The following NCAPG variants were observed in gnomAD, a reference collection of about 807,000 sequenced individuals.
The protein encoded by NCAPG is non-SMC condensin I complex subunit G.
NCAPG carries 69 observed loss-of-function variants against 113.1 expected under a neutral mutation model. The observed-to-expected ratio is 0.61, with a 90% confidence interval of 0.50 to 0.75. NCAPG has a LOEUF of 0.75. Ranked by LOEUF, NCAPG falls within the 30% of genes least tolerant of loss-of-function variation. The pLI is 0.00. For missense variants in NCAPG, 1,058 were observed against 1,177.0 expected (o/e 0.90, Z 1.48); for synonymous variants, 370 against 415.8 (o/e 0.89, Z 1.34).
At chr4:17,833,469 A>AT (rs1376571489) in intron 13 of NCAPG, among the ~76,000 whole-genome samples, 5,694 of 148,824 alleles carry the variant, frequency 0.038, 137 homozygotes, top group African/African-American at 0.066. Context: ...AAAAAAAAAA[A>AT]ATATATATAT....
In NCAPG at chr4:17,822,901, C is replaced by T. The variant is rs533951081; in HGVS notation, c.1119-82C>T. 4 of 1,147,480 alleles carry T rather than the reference C, an allele frequency of 3.5e-6. No individual in the cohort carries two copies. In the South Asian group the frequency reaches 6.9e-5, roughly 20 times the overall value. The allele number at this position is 1,147,480 out of a possible 1,614,324, so 71.1% of individuals were successfully genotyped here. A position where few individuals can be genotyped will look rare whatever the true frequency, so the allele number is the denominator to read the frequency against. On this transcript the variant is annotated intron_variant, in intron 7 of 20. Transcript: ENST00000251496. Reference sequence around the variant, plus strand: ...TAGACGAATATGACCTGAAAATGGCCCTTTTCTGACCTAATGGTGGGAATC... The same window carrying T: ...TAGACGAATATGACCTGAAAATGGCTCTTTTCTGACCTAATGGTGGGAATC...
chr4:17,815,227 A>T lies in NCAPG; in HGVS notation c.691-47A>T, dbSNP rs116257556. ...AGATGGTGATATTCTTATGAAATCT[A>T]TAAATTGTGTTGAGGTTAATGACCA... On this transcript the variant is annotated intron_variant, in intron 4 of 20. Coordinates refer to ENST00000251496, the MANE Select transcript of NCAPG (RefSeq NM_022346.5). 659 of 1,486,474 alleles carry T rather than the reference A, an allele frequency of 4.4e-4. 1 individual carries two copies. In the African/African-American group the frequency reaches 5.8e-3, roughly 13 times the overall value. 92.1% of individuals were successfully genotyped at this position (1,486,474 alleles called of 1,614,324 possible).
At chr4:17,838,932 T>C (rs1015235458) in intron 16 of NCAPG, among the ~76,000 whole-genome samples, 1 of 152,162 alleles carries the variant, frequency 6.6e-6, no homozygotes, top group African/African-American at 2.4e-5. Context: ...AAAATCTGTA[T>C]AATTCGCTTG....
chr4:17,838,856 C>T (rs1018833130), intron 16 of NCAPG, among the ~76,000 whole-genome samples: 3 of 151,846 alleles, frequency 2.0e-5, no homozygotes, highest in African/African-American at 7.3e-5. Flanking sequence ...ATTTGGTGGT[C>T]AGTGGTGGTT....
chr4:17,820,238 C>T (rs1721398178), intron 7 of NCAPG, among the ~76,000 whole-genome samples: 1 of 152,126 alleles, frequency 6.6e-6, no homozygotes, highest in Non-Finnish European at 1.5e-5. Flanking sequence ...ATTAACATTT[C>T]CTTTGTCACT....
intron 13 of NCAPG, 92 bp from the exon 14 acceptor site, chr4:17,834,207 A>C (rs1343229892): frequency 4.9e-6 from 4 of 817,900 alleles, no homozygotes; most frequent in African/African-American, 1.8e-5. Context: ...AATTTGACTA[A>C]GAAAAAAACA....
intron 7 of NCAPG, among the ~76,000 whole-genome samples, chr4:17,818,662 C>T (rs978030926): frequency 7.9e-5 from 12 of 152,146 alleles, no homozygotes; most frequent in Non-Finnish European, 1.2e-4. Context: ...ATTTGATGCA[C>T]GGAACATTGT....
At chr4:17,831,881 G>A (rs993579997) in intron 13 of NCAPG, among the ~76,000 whole-genome samples, 2 of 152,208 alleles carry the variant, frequency 1.3e-5, no homozygotes, top group Non-Finnish European at 2.9e-5. Context: ...GTAGAAGATT[G>A]TTATGATCTG....
At chr4:17,832,235 G>A (rs1468764056) in intron 13 of NCAPG, among the ~76,000 whole-genome samples, 1 of 152,154 alleles carries the variant, frequency 6.6e-6, no homozygotes, top group Non-Finnish European at 1.5e-5. Context: ...ATTAAGTAGG[G>A]GTACAAGTAT....
intron 13 of NCAPG, among the ~76,000 whole-genome samples, chr4:17,833,574 T>A (rs1469956804): frequency 2.0e-5 from 3 of 151,454 alleles, no homozygotes. Flanking sequence ...TTTACTTTTT[T>A]AATATCTTAA....
At position 17,811,629 on chromosome 4, in the gene NCAPG, C is replaced by T. The variant is rs149102774; in HGVS notation, c.111+441C>T. 2.6e-5 allele frequency among the ~76,000 whole-genome samples: 4 copies of T among 152,314 alleles called. No homozygotes were observed. The highest frequency in any genetic ancestry group is 9.6e-5 in the African/African-American group (4 of 41,576). On this transcript the variant is annotated intron_variant, in intron 1 of 20. Coordinates refer to ENST00000251496, the MANE Select transcript of NCAPG (RefSeq NM_022346.5). This position sits in a 1 kb window ranked among gnomAD's most constrained non-coding sequence, Gnocchi z 5.3. ...GAACATCAAATGATTCTACCCTTGT[C>T]CTACGGTTACGTTGAATCCAATCAC... is the stretch of plus-strand genomic sequence containing the variant.
chr4:17,837,933 A>G, intron 16 of NCAPG, 132 bp downstream of exon 16: 1 of 892,552 alleles, frequency 1.1e-6, no homozygotes, highest in Non-Finnish European at 1.8e-6. Context: ...ACAAAGCACG[A>G]AAGAAACATG....
chr4:17,831,393 A>G (rs1361900355), intron 13 of NCAPG, among the ~76,000 whole-genome samples: 4 of 152,222 alleles, frequency 2.6e-5, no homozygotes, highest in Non-Finnish European at 4.4e-5. Context: ...GACTTAGAAG[A>G]AATAAAGTAG....
intron 16 of NCAPG, 113 bp downstream of exon 16, chr4:17,837,914 G>A (rs1215847474): frequency 9.1e-7 from 1 of 1,101,484 alleles, no homozygotes; most frequent in African/African-American, 1.6e-5. Context: ...TCTGTCTCAA[G>A]CATATACCAC....
chr4:17,825,572 C>CT lies in NCAPG; in HGVS notation c.1653+17dup. On this transcript the variant is annotated intron_variant, in intron 11 of 20. Transcript: ENST00000251496. ...GTCCACATAGAGAAGGTACAGGTAA[C>CT]TTTTTTCATACTAAATCTCAGGTGT... 6.4e-7 allele frequency: 1 copy of CT among 1,571,812 alleles called. No homozygotes were observed. Among genetic ancestry groups the CT allele is most frequent in the Non-Finnish European group, 8.6e-7 (1 of 1,167,172 alleles).
Position 17,817,998 on chromosome 4 carries a change from G to A in NCAPG, c.1028G>A (p.Cys343Tyr). The change falls in exon 7 of 21, where the codon TGT becomes TAT. Residue 343 changes from cysteine (C) to tyrosine (Y), a missense_variant. Cys to Tyr is a radical substitution (Grantham distance 194, BLOSUM62 -2). Transcript: ENST00000251496. Reference sequence around the variant, plus strand: ...ATTGCTTTGTATTGGTGTGCCCTTTGTGAATATTTGAAATCAAAAGGAGAT... The same window carrying A: ...ATTGCTTTGTATTGGTGTGCCCTTTATGAATATTTGAAATCAAAAGGAGAT... Reference protein sequence around the residue: ...PEIALYWCALCEYLKSKGDEG... With the variant: ...PEIALYWCALYEYLKSKGDEG... 1 of 1,613,524 alleles carries A rather than the reference G, an allele frequency of 6.2e-7. No homozygotes were observed. The highest frequency in any genetic ancestry group is 8.5e-7 in the Non-Finnish European group (1 of 1,179,734).
At chr4:17,828,950 A>G (rs7685509) in intron 12 of NCAPG, among the ~76,000 whole-genome samples, 7,857 of 150,492 alleles carry the variant, frequency 0.052, 703 homozygotes, top group African/African-American at 0.18. Context: ...ACTGTTTTAA[A>G]AAAAAAAAAG....
At chr4:17,820,175 C>T (rs1252404915) in intron 7 of NCAPG, among the ~76,000 whole-genome samples, 1 of 152,134 alleles carries the variant, frequency 6.6e-6, no homozygotes, top group Non-Finnish European at 1.5e-5. Flanking sequence ...TCAAGGACAG[C>T]ATCAGAAGGT....
At chr4:17,826,480 A>G (rs1347907966) in intron 11 of NCAPG, among the ~76,000 whole-genome samples, 1 of 152,084 alleles carries the variant, frequency 6.6e-6, no homozygotes. Context: ...GGCTTCTTTT[A>G]TTTGACGAAG....
Sources: gnomAD v4.1 joint callset for allele counts (sites outside exome capture counted in the v4.1 genomes callset) on GRCh38, gnomAD v4.1.1 for gene constraint, Gnocchi (gnomAD v3.1) non-coding constraint, MANE v1.5 for transcripts, NCBI Gene and HGNC (gene_info 2026-07-23, HGNC 2026-07-21) for gene names.